CCDC66: variants seen among roughly 807,000 people sequenced by gnomAD.
The protein encoded by CCDC66 is coiled-coil domain-containing protein 66.
A neutral mutation model predicts 128.3 loss-of-function variants in CCDC66; 133 were observed. That is an observed-to-expected ratio of 1.04 (90% CI 0.90 to 1.20). The LOEUF is 1.20. CCDC66 is among the 50% of genes most tolerant of loss of function. CCDC66 has a pLI of 0.00. For synonymous variants in CCDC66, 387 were observed against 357.0 expected (o/e 1.08, Z -0.95); for missense variants, 1,126 against 1,075.5 (o/e 1.05, Z -0.66).
At chr3:56,562,294 TC>T (rs1444299697) in intron 3 of CCDC66, among the ~76,000 whole-genome samples, 1 of 151,812 alleles carries the variant, frequency 6.6e-6, no homozygotes, top group East Asian at 1.9e-4. Context: ...AAGCGATCCT[TC>T]CGCCTCAGCC....
intron 6 of CCDC66, among the ~76,000 whole-genome samples, chr3:56,568,299 T>C (rs1283653527): frequency 6.6e-6 from 1 of 152,204 alleles, no homozygotes; most frequent in East Asian, 1.9e-4. Context: ...AGTATAGTTA[T>C]CCCTCAGTAT....
chr3:56,562,030 A>C (rs1308797154), intron 3 of CCDC66, among the ~76,000 whole-genome samples: 1 of 149,360 alleles, frequency 6.7e-6, no homozygotes, highest in Non-Finnish European at 1.5e-5. Context: ...AAATCTGTGC[A>C]TTTTTCTTTT....
At chr3:56,589,456 A>T (rs941481747) in intron 7 of CCDC66, among the ~76,000 whole-genome samples, 4 of 152,198 alleles carry the variant, frequency 2.6e-5, no homozygotes, top group Non-Finnish European at 5.9e-5. Flanking sequence ...AACAGGAAAT[A>T]TAAGAAAGAA....
chr3:56,578,956 T>C (rs1315503596), intron 7 of CCDC66, among the ~76,000 whole-genome samples: 1 of 151,914 alleles, frequency 6.6e-6, no homozygotes, highest in Non-Finnish European at 1.5e-5. Flanking sequence ...CCTCTTTTTC[T>C]ATTGATTGGA....
At chr3:56,570,601 T>A (rs1221058369) in intron 6 of CCDC66, 1 of 166,400 alleles carries the variant, frequency 6.0e-6, no homozygotes, top group African/African-American at 2.4e-5. Context: ...ATACAAAAAT[T>A]AGCCGGGCGT....
At position 56,619,451 on chromosome 3, in the gene CCDC66, T is replaced by A. The variant is rs143313156; in HGVS notation, c.2559T>A (p.Asn853Lys). 190 of 1,614,020 alleles carry A rather than the reference T, an allele frequency of 1.2e-4. No individual in the cohort carries two copies. In the African/African-American group the frequency reaches 2.4e-3, roughly 20 times the overall value. Residue 853 changes from asparagine to lysine, a missense_variant, in exon 16 of 18, where the codon AAT (asparagine) becomes AAA (lysine). Asn to Lys is a moderately conservative substitution (Grantham distance 94, BLOSUM62 0). Transcript: ENST00000394672. Reference protein sequence around the residue: ...SSHFIPYVRTNEIYYLDPDAP... With the variant: ...SSHFIPYVRTKEIYYLDPDAP... ...ATTTTATTCCGTATGTTCGAACAAA[T>A]GAGATCTATTACCTTGATCCCGATG...
chr3:56,580,229 A>C (rs2068099076), intron 7 of CCDC66, among the ~76,000 whole-genome samples: 1 of 151,706 alleles, frequency 6.6e-6, no homozygotes, highest in South Asian at 2.1e-4. Flanking sequence ...CTAGGATTGC[A>C]ACCCCTGCTT....
rs2065463756 is a variant in CCDC66, at chr3:56,564,035, C to T, written c.454C>T (p.Leu152=). The T allele has an allele frequency of 1.9e-6, 3 of 1,613,948 alleles. No homozygotes were observed. Among genetic ancestry groups the T allele is most frequent in the African/African-American group, 1.3e-5 (1 of 75,048 alleles). The change falls in exon 4 of 18, where the codon CTA becomes TTA. Residue 152 remains leucine (L), a synonymous_variant. Coordinates refer to ENST00000394672, the MANE Select transcript of CCDC66 (RefSeq NM_001141947.3). The part of the protein sequence containing the change: ...AENMKSSLVC[L]TQDQLQQILM... ...AAACATGAAGAGCAGTTTGGTGTGT[C>T]TAACACAAGACCAACTACAACAGAT... is the stretch of plus-strand genomic sequence containing the variant.
chr3:56,608,590 C>CTTTTGTATTTCTTT (rs59331585), intron 10 of CCDC66, among the ~76,000 whole-genome samples: 120,994 of 151,956 alleles, frequency 0.8, 48,674 homozygotes, highest in Non-Finnish European at 0.86. Flanking sequence ...TTTCATTTGT[C>CTTTTGTATTTCTTT]GTTTGTTTCA....
chr3:56,611,904 CCA>C (rs1463526826), intron 10 of CCDC66, among the ~76,000 whole-genome samples: 1 of 152,234 alleles, frequency 6.6e-6, no homozygotes, highest in Non-Finnish European at 1.5e-5. Context: ...TTTCCCACTT[CCA>C]CAGTTGGGTC....
chr3:56,591,767 T>C (rs1187843935), intron 7 of CCDC66, among the ~76,000 whole-genome samples: 2 of 152,246 alleles, frequency 1.3e-5, no homozygotes, highest in Non-Finnish European at 1.5e-5. Flanking sequence ...GGATCTTTAC[T>C]TTTTGTATAA....
intron 10 of CCDC66, among the ~76,000 whole-genome samples, chr3:56,598,976 G>A (rs1010288896): frequency 6.6e-6 from 1 of 151,920 alleles, no homozygotes; most frequent in Non-Finnish European, 1.5e-5. Flanking sequence ...GATTTTTTTG[G>A]AATAGTTTGG....
intron 10 of CCDC66, 117 bp from the exon 11 acceptor site, chr3:56,613,472 T>G (rs2075114471): frequency 9.2e-7 from 1 of 1,082,648 alleles, no homozygotes; most frequent in Non-Finnish European, 1.3e-6. Flanking sequence ...CTACTCATTA[T>G]TTTGGTTCCC....
At chr3:56,596,947 A>G (rs1308519810) in intron 10 of CCDC66, among the ~76,000 whole-genome samples, 2 of 140,578 alleles carry the variant, frequency 1.4e-5, no homozygotes, top group East Asian at 2.0e-4. Flanking sequence ...TTTAGTACAG[A>G]TGGGGTTTCA....
intron 7 of CCDC66, among the ~76,000 whole-genome samples, chr3:56,589,960 A>AT: frequency 6.6e-6 from 1 of 152,282 alleles, no homozygotes; most frequent in Admixed American, 6.5e-5. Flanking sequence ...AATTTAATTA[A>AT]TTTTTAAGTT....
In CCDC66 at chr3:56,616,066, A is replaced by C. The variant is rs759730649; in HGVS notation, c.1843+13A>C. 1.9e-6 allele frequency: 3 copies of C among 1,574,054 alleles called. No individual in the cohort carries two copies. The highest frequency in any genetic ancestry group is 2.4e-5 in the South Asian group (2 of 84,224). ...GGTGTGCAAACAGGTATTTGTGTGG[A>C]AATTGTGGTTTGGTTTAAAATTTAC... On this transcript the variant is annotated intron_variant, in intron 13 of 17. Transcript: ENST00000394672.
At chr3:56,563,163 C>G (rs1457673272) in intron 3 of CCDC66, among the ~76,000 whole-genome samples, 4 of 151,648 alleles carry the variant, frequency 2.6e-5, no homozygotes, top group African/African-American at 4.8e-5. Context: ...GAGTTCGAGA[C>G]CAGCCCGGCT....
chr3:56,617,424 AC>A lies in CCDC66; in HGVS notation c.2159del (p.Pro720LeufsTer13), dbSNP rs1306890590. The A allele has an allele frequency of 7.4e-6, 12 of 1,613,926 alleles. No homozygotes were observed. The Admixed American group carries it at 1.5e-4, about 20-fold the overall frequency. ...PKRYIPASEK[Y>X]PKQLQKQREE... is the part of the protein sequence containing the mutation. ...AGGTATATTCCAGCATCAGAAAAGTACCCTAAACAGCTTCAAAAGCAGAGAG... is the reference window on the plus strand; with the variant it reads ...AGGTATATTCCAGCATCAGAAAAGTACCTAAACAGCTTCAAAAGCAGAGAG... On this transcript the variant is annotated frameshift_variant, in exon 14 of 18. Transcript: ENST00000394672. LOFTEE classifies it high-confidence loss of function.
At chr3:56,566,839 A>G in intron 5 of CCDC66, 80 bp downstream of exon 5, 1 of 1,487,452 alleles carries the variant, frequency 6.7e-7, no homozygotes, top group Non-Finnish European at 9.2e-7. Flanking sequence ...CATGTGAAAT[A>G]GTTACTCTGA....
Sources: gnomAD v4.1 joint callset for allele counts (sites outside exome capture counted in the v4.1 genomes callset) on GRCh38, gnomAD v4.1.1 for gene constraint, MANE v1.5 for transcripts, NCBI Gene and HGNC (gene_info 2026-07-23, HGNC 2026-07-21) for gene names.